Variants in NTM observed in about 807,000 individuals in gnomAD.
The protein encoded by NTM is IgLON family member 2.
NTM carries 13 observed loss-of-function variants against 42.1 expected under a neutral mutation model. The ratio of observed to expected loss-of-function variants is 0.31; its 90% CI spans 0.20 to 0.49. NTM has a LOEUF of 0.49. Among genes scored for constraint, NTM ranks in the 20% least tolerant of loss-of-function variants. The probability of loss-of-function intolerance (pLI) is 0.99; values close to 1 mark genes in which losing one functional copy is unlikely to be tolerated. For missense variants in NTM, 373 were observed against 452.8 expected, an observed-to-expected ratio of 0.82 and a Z score of 1.60; for synonymous variants, 187 against 179.2, an observed-to-expected ratio of 1.04 and a Z score of -0.35.
At chr11:131,808,038 G>T (rs893195508) in intron 1 of NTM, among the ~76,000 whole-genome samples, 4 of 152,194 alleles carry the variant, frequency 2.6e-5, no homozygotes, top group Non-Finnish European at 2.9e-5. Flanking sequence ...GTGAGCTAAG[G>T]TTCAGCGGTA....
intron 1 of NTM, among the ~76,000 whole-genome samples, chr11:131,629,777 C>T (rs1036896227): frequency 6.6e-6 from 1 of 152,204 alleles, no homozygotes; most frequent in Non-Finnish European, 1.5e-5. Flanking sequence ...AGGACTCAAA[C>T]TGGTATTTTG....
intron 2 of NTM, among the ~76,000 whole-genome samples, chr11:131,974,218 C>T (rs1194092471): frequency 6.6e-6 from 1 of 151,998 alleles, no homozygotes; most frequent in Non-Finnish European, 1.5e-5. Flanking sequence ...AAAGTTATAT[C>T]CAGATTTTCA....
intron 1 of NTM, among the ~76,000 whole-genome samples, chr11:131,749,449 A>G (rs1409173641): frequency 6.6e-6 from 1 of 152,372 alleles, no homozygotes; most frequent in African/African-American, 2.4e-5. Context: ...TGACATTTAC[A>G]GGCTATATGC....
At chr11:131,529,761 A>G (rs2050989143) in intron 1 of NTM, among the ~76,000 whole-genome samples, 1 of 151,934 alleles carries the variant, frequency 6.6e-6, no homozygotes, top group Middle Eastern at 3.2e-3. Context: ...ACCCTTAGAT[A>G]CCTCCCCTGT....
intron 1 of NTM, among the ~76,000 whole-genome samples, chr11:131,433,784 C>T (rs556001645): frequency 6.6e-6 from 1 of 152,194 alleles, no homozygotes; most frequent in Admixed American, 6.5e-5. Flanking sequence ...CTTAGGTATA[C>T]AAGGTGTTGA....
intron 4 of NTM, among the ~76,000 whole-genome samples, chr11:132,277,607 G>A (rs934163247): frequency 5.3e-5 from 8 of 152,120 alleles, no homozygotes; most frequent in African/African-American, 1.9e-4. Flanking sequence ...ATCAGTATAA[G>A]GGATTATTTT....
chr11:131,702,845 AG>A (rs1165471829), intron 1 of NTM, among the ~76,000 whole-genome samples: 2 of 152,374 alleles, frequency 1.3e-5, no homozygotes, highest in Admixed American at 1.3e-4. Flanking sequence ...CATTTCACAA[AG>A]CTGCAATAAT....
At chr11:132,020,404 G>C (rs971215495) in intron 2 of NTM, among the ~76,000 whole-genome samples, 2 of 151,620 alleles carry the variant, frequency 1.3e-5, no homozygotes, top group African/African-American at 2.4e-5. Context: ...CTCTTTTTAA[G>C]TTCCTCTATT....
intron 1 of NTM, among the ~76,000 whole-genome samples, chr11:131,639,433 A>C (rs1349053087): frequency 2.6e-5 from 4 of 152,214 alleles, no homozygotes; most frequent in Non-Finnish European, 5.9e-5. Context: ...TCAATAAAGA[A>C]ATCTTAGAAA....
At chr11:131,374,968 C>T (rs1941760697) in intron 1 of NTM, among the ~76,000 whole-genome samples, 1 of 152,172 alleles carries the variant, frequency 6.6e-6, no homozygotes, top group South Asian at 2.1e-4. Context: ...TCTGCTTCTG[C>T]TCACAAACTA....
intron 1 of NTM, among the ~76,000 whole-genome samples, chr11:131,890,669 C>T (rs748816578): frequency 1.3e-5 from 2 of 152,250 alleles, no homozygotes; most frequent in Admixed American, 1.3e-4. Context: ...TTAAAAATAG[C>T]ACCACTACCC....
At chr11:132,320,557 G>A (rs184506626) in intron 7 of NTM, among the ~76,000 whole-genome samples, 121 of 152,314 alleles carry the variant, frequency 7.9e-4, no homozygotes, top group Admixed American at 4.5e-3. Context: ...TGCTAGCACA[G>A]CAGTCTGACA....
chr11:132,295,049 A>C (rs2094565524), intron 4 of NTM, among the ~76,000 whole-genome samples: 1 of 152,146 alleles, frequency 6.6e-6, no homozygotes, highest in South Asian at 2.1e-4. Flanking sequence ...CCCTTAAGAA[A>C]TATGGAATAA....
At chr11:131,878,583 AAAAAAAAAAAAATATATATAT>A (rs1201391912) in intron 1 of NTM, among the ~76,000 whole-genome samples, 2 of 54,018 alleles carry the variant, frequency 3.7e-5, no homozygotes, top group African/African-American at 1.7e-4. Context: ...AAAAAAAAAA[AAAAAAAAAAAAATATATATAT>A]ATATATATAT....
intron 1 of NTM, among the ~76,000 whole-genome samples, chr11:131,562,412 C>T (rs751663081): frequency 8.5e-5 from 13 of 152,212 alleles, no homozygotes; most frequent in Non-Finnish European, 1.5e-4. Context: ...GCACCCAAGA[C>T]GGGAAGGTGG....
chr11:131,607,473 C>T (rs1051101277), intron 1 of NTM, among the ~76,000 whole-genome samples: 5 of 152,160 alleles, frequency 3.3e-5, no homozygotes, highest in African/African-American at 1.2e-4. Context: ...TTCACCTGGG[C>T]CAATTAATCC....
At chr11:131,825,421 A>G (rs1461908913) in intron 1 of NTM, among the ~76,000 whole-genome samples, 2 of 152,102 alleles carry the variant, frequency 1.3e-5, no homozygotes, top group African/African-American at 4.8e-5. Flanking sequence ...ACTGCTGACA[A>G]TCTGGGATGA....
chr11:131,511,367 C>A (rs1203911407), intron 1 of NTM, among the ~76,000 whole-genome samples: 2 of 152,230 alleles, frequency 1.3e-5, no homozygotes, highest in Non-Finnish European at 2.9e-5. Context: ...CTAATTGAAT[C>A]AAAGTCTGAC....
intron 2 of NTM, among the ~76,000 whole-genome samples, chr11:132,110,560 A>G (rs1334280455): frequency 6.6e-6 from 1 of 152,206 alleles, no homozygotes; most frequent in African/African-American, 2.4e-5. Flanking sequence ...AATCATATCC[A>G]TGTTTGGTTG....
Sources: allele counts gnomAD v4.1 joint callset (sites outside exome capture counted in the v4.1 genomes callset), GRCh38; gene constraint gnomAD v4.1.1; transcripts MANE v1.5; gene names NCBI Gene and HGNC (gene_info 2026-07-23, HGNC 2026-07-21).